B3GALT1: variants seen among roughly 807,000 people sequenced by gnomAD.
B3GALT1 encodes beta-1,3-galactosyltransferase 1, also known as UDP-Gal:betaGlcNAc beta 1,3-galactosyltransferase, polypeptide 1.
A neutral mutation model predicts 23.2 loss-of-function variants in B3GALT1; 10 were observed. That is an observed-to-expected ratio of 0.43 (90% CI 0.27 to 0.73). The LOEUF (loss-of-function observed/expected upper bound fraction) is 0.73, where lower values mean the gene tolerates loss of function less well. B3GALT1 is among the 30% of genes least tolerant of loss of function. B3GALT1 has a pLI of 0.21. For missense variants in B3GALT1, 299 were observed against 405.4 expected, an observed-to-expected ratio of 0.74 and a Z score of 2.25; for synonymous variants, 156 against 141.5, an observed-to-expected ratio of 1.10 and a Z score of -0.73.
intron 3 of B3GALT1, among the ~76,000 whole-genome samples, chr2:167,727,305 A>G (rs1025506101): frequency 6.6e-6 from 1 of 152,208 alleles, no homozygotes; most frequent in Non-Finnish European, 1.5e-5. Context: ...TCCAAGGCTC[A>G]GAGAACTAAC....
intron 3 of B3GALT1, among the ~76,000 whole-genome samples, chr2:167,669,038 C>G (rs1686271794): frequency 6.6e-6 from 1 of 152,208 alleles, no homozygotes; most frequent in South Asian, 2.1e-4. Context: ...CCCCCTCCCT[C>G]CCCATTCTAC....
intron 3 of B3GALT1, among the ~76,000 whole-genome samples, chr2:167,803,080 A>AC (rs1298059402): frequency 1.9e-4 from 21 of 109,108 alleles, no homozygotes; most frequent in East Asian, 1.6e-3. Flanking sequence ...TGACCCTAAC[A>AC]AACACACACA....
chr2:167,830,914 G>A (rs1287801885), intron 4 of B3GALT1, among the ~76,000 whole-genome samples: 5 of 152,172 alleles, frequency 3.3e-5, no homozygotes, highest in East Asian at 1.9e-4. Flanking sequence ...GGGTCTGGAC[G>A]CCACTGCACA....
intron 2 of B3GALT1, among the ~76,000 whole-genome samples, chr2:167,501,007 C>T (rs1306151259): frequency 6.6e-6 from 1 of 151,800 alleles, no homozygotes; most frequent in Non-Finnish European, 1.5e-5. Context: ...TGTTAAATTC[C>T]TAGAGTAGAA....
chr2:167,552,176 A>T (rs1683760763), intron 2 of B3GALT1, among the ~76,000 whole-genome samples: 1 of 152,150 alleles, frequency 6.6e-6, no homozygotes, highest in African/African-American at 2.4e-5. Context: ...TGACCTTGAG[A>T]GTCTTCACAT....
intron 2 of B3GALT1, among the ~76,000 whole-genome samples, chr2:167,605,553 G>A (rs543585613): frequency 6.6e-5 from 10 of 152,272 alleles, no homozygotes; most frequent in Admixed American, 6.5e-4. Flanking sequence ...CACATGGCTT[G>A]ATGGCTGAGT....
At chr2:167,743,563 T>G (rs1687608194) in intron 3 of B3GALT1, among the ~76,000 whole-genome samples, 1 of 152,134 alleles carries the variant, frequency 6.6e-6, no homozygotes, top group African/African-American at 2.4e-5. Context: ...TTGAAATGTT[T>G]TTGTAGTTAT....
At chr2:167,630,464 G>A (rs1304046455) in intron 2 of B3GALT1, among the ~76,000 whole-genome samples, 2 of 151,726 alleles carry the variant, frequency 1.3e-5, no homozygotes, top group Non-Finnish European at 2.9e-5. Flanking sequence ...GAGACATTTT[G>A]GTAGTCACTG....
At chr2:167,558,440 T>A (rs949955170) in intron 2 of B3GALT1, 2 of 152,292 alleles carry the variant, frequency 1.3e-5, no homozygotes, top group Non-Finnish European at 2.9e-5. Flanking sequence ...CACTAGGGAG[T>A]GCCAGAGAGT....
intron 1 of B3GALT1, among the ~76,000 whole-genome samples, chr2:167,366,787 T>C (rs2105266590): frequency 6.6e-6 from 1 of 152,334 alleles, no homozygotes; most frequent in South Asian, 2.1e-4. Flanking sequence ...GCAAGTTGAC[T>C]TTGGCATTGG....
At chr2:167,744,050 A>G (rs370684454) in intron 3 of B3GALT1, among the ~76,000 whole-genome samples, 9 of 152,140 alleles carry the variant, frequency 5.9e-5, no homozygotes, top group East Asian at 1.9e-4. Context: ...CTAATTTCCA[A>G]TTATGGGGGG....
intron 3 of B3GALT1, among the ~76,000 whole-genome samples, chr2:167,647,873 C>T (rs1429444677): frequency 6.6e-6 from 1 of 152,082 alleles, no homozygotes; most frequent in Non-Finnish European, 1.5e-5. Context: ...GAAATAAGCA[C>T]ATCATGAAGA....
chr2:167,570,120 G>A (rs1369916865), intron 2 of B3GALT1, among the ~76,000 whole-genome samples: 3 of 151,734 alleles, frequency 2.0e-5, no homozygotes, highest in African/African-American at 7.3e-5. Flanking sequence ...ATACTGGTTT[G>A]TACCTCTTCT....
intron 1 of B3GALT1, among the ~76,000 whole-genome samples, chr2:167,421,024 T>C (rs1698540344): frequency 6.6e-6 from 1 of 152,226 alleles, no homozygotes; most frequent in South Asian, 2.1e-4. Context: ...ATAACAGTCA[T>C]TCACTATTTA....
chr2:167,606,240 T>C (rs1684959902), intron 2 of B3GALT1, among the ~76,000 whole-genome samples: 1 of 152,192 alleles, frequency 6.6e-6, no homozygotes. Flanking sequence ...TTTTCAATTA[T>C]GTCCAGTTCT....
intron 2 of B3GALT1, among the ~76,000 whole-genome samples, chr2:167,519,791 G>C (rs1053045835): frequency 4.6e-5 from 7 of 152,058 alleles, no homozygotes; most frequent in African/African-American, 1.7e-4. Flanking sequence ...AAATATATTG[G>C]CCATGCACGG....
At chr2:167,633,751 C>G (rs1685500751) in intron 2 of B3GALT1, among the ~76,000 whole-genome samples, 1 of 152,036 alleles carries the variant, frequency 6.6e-6, no homozygotes, top group Non-Finnish European at 1.5e-5. Context: ...TAGTGGGAGA[C>G]TTTAATGCCC....
intron 2 of B3GALT1, among the ~76,000 whole-genome samples, chr2:167,560,990 C>T (rs1170015348): frequency 1.3e-5 from 2 of 151,924 alleles, no homozygotes; most frequent in African/African-American, 2.4e-5. Context: ...CACCCCAAAT[C>T]AACAGAATAT....
intron 2 of B3GALT1, among the ~76,000 whole-genome samples, chr2:167,584,750 C>T (rs1583215): frequency 0.011 from 1,684 of 152,204 alleles, 39 homozygotes; most frequent in African/African-American, 0.038. Context: ...CTTTTCTACC[C>T]GGTTGACTAA....
Sources: allele counts gnomAD v4.1 joint callset (sites outside exome capture counted in the v4.1 genomes callset), GRCh38; gene constraint gnomAD v4.1.1; transcripts MANE v1.5; gene names NCBI Gene and HGNC (gene_info 2026-07-23, HGNC 2026-07-21).